CD163L1: variants seen among roughly 807,000 people sequenced by gnomAD.
The protein encoded by CD163L1 is CD163 molecule like 1, also known as scavenger receptor cysteine-rich type 1 protein M160.
Under a neutral mutation model 165.4 loss-of-function variants are expected in CD163L1, and 124 were observed. That is an observed-to-expected ratio of 0.75 (90% CI 0.65 to 0.87). The LOEUF (loss-of-function observed/expected upper bound fraction) is 0.87. Among genes scored for constraint, CD163L1 ranks in the 40% least tolerant of loss-of-function variants. The pLI is 0.00. For missense variants in CD163L1, 1,525 were observed against 1,799.9 expected (o/e 0.85, Z 2.76); for synonymous variants, 585 against 662.2 (o/e 0.88, Z 1.79).
intron 9 of CD163L1, among the ~76,000 whole-genome samples, chr12:7,376,485 G>A (rs1947274672): frequency 6.6e-6 from 1 of 152,156 alleles, no homozygotes; most frequent in Admixed American, 6.5e-5. Context: ...TATTAGTAAT[G>A]TATGTTATCT....
Position 7,348,194 on chromosome 12 carries a change from G to A in CD163L1, c.*25-1047C>T, listed in dbSNP as rs190858200. The stretch of plus-strand genomic sequence containing the variant: ...CATAAGCAGGCTCTACCATTCATTA[G>A]GGAGTGTCAATCATCTGCAACCACT... On this transcript the variant is annotated intron_variant, in intron 4 of 4. Transcript: ENST00000539726. Among the ~76,000 whole-genome samples, 81 of 152,290 alleles carry A rather than the reference G, an allele frequency of 5.3e-4. 2 individuals are homozygous for A. The East Asian group carries it at 0.015, about 29-fold the overall frequency.
At chr12:7,373,666 T>C (rs762793760) in intron 13 of CD163L1, 26 bp from the exon 14 acceptor site, 2 of 1,530,556 alleles carry the variant, frequency 1.3e-6, no homozygotes, top group South Asian at 1.3e-5. Flanking sequence ...AAACTTAGTA[T>C]TAAATATTTC....
chr12:7,356,900 T>C (rs976833233), intron 19 of CD163L1, among the ~76,000 whole-genome samples: 2 of 152,166 alleles, frequency 1.3e-5, no homozygotes, highest in Admixed American at 1.3e-4. Context: ...GTTAATGTTT[T>C]CTCATCAGAC....
Position 7,368,308 on chromosome 12 carries a change from C to T in CD163L1, c.4073-111G>A. ...GTTGCTGAGAAGAATAATGGCTATACATTTCAACATATTCATGAACAGTAC... is the reference window on the plus strand; with the variant it reads ...GTTGCTGAGAAGAATAATGGCTATATATTTCAACATATTCATGAACAGTAC... On this transcript the variant is annotated intron_variant, in intron 16 of 19. Transcript: ENST00000313599. The surrounding 1 kb of genome is among the most constrained non-coding windows in gnomAD (Gnocchi z 4.3). 1 of 596,868 alleles carries T rather than the reference C, an allele frequency of 1.7e-6. No homozygotes were observed. The highest frequency in any genetic ancestry group is 2.8e-5 in the East Asian group (1 of 35,550). The allele number at this position is 596,868 out of a possible 1,614,324, so 37.0% of individuals were successfully genotyped here. A position where few individuals can be genotyped will look rare whatever the true frequency, so the allele number is the denominator to read the frequency against.
chr12:7,439,157 T>G, intron 2 of CD163L1: 1 of 1,576,124 alleles, frequency 6.3e-7, no homozygotes, highest in South Asian at 1.2e-5. Context: ...ATGTAGCCCT[T>G]CATTGTCATC....
chr12:7,416,673 G>T (rs1948248474), intron 4 of CD163L1, among the ~76,000 whole-genome samples: 1 of 152,136 alleles, frequency 6.6e-6, no homozygotes, highest in Admixed American at 6.5e-5. Flanking sequence ...ACTAAATGAG[G>T]AATCCTTTCC....
rs754763808 is a variant in CD163L1 at position 7,379,310 on chromosome 12, T to C, written c.2051-12A>G. On this transcript the variant is annotated splice_polypyrimidine_tract_variant and intron_variant, in intron 8 of 19. Coordinates refer to ENST00000313599, the MANE Select transcript of CD163L1 (RefSeq NM_174941.6). ...CATATCCGATGCATCTGAAACCAAA[T>C]ACCACAATGATTTTAGAGAAGCACT... 1.9e-6 allele frequency: 3 copies of C among 1,611,834 alleles called. No homozygotes were observed. Among genetic ancestry groups the C allele is most frequent in the Non-Finnish European group, 2.5e-6 (3 of 1,178,328 alleles).
At chr12:7,409,376 G>C (rs1948088727) in intron 4 of CD163L1, among the ~76,000 whole-genome samples, 1 of 152,092 alleles carries the variant, frequency 6.6e-6, no homozygotes, top group African/African-American at 2.4e-5. Flanking sequence ...GACTGCTTTT[G>C]TGGAAAAAAA....
intron 4 of CD163L1, among the ~76,000 whole-genome samples, chr12:7,415,593 C>T (rs535093544): frequency 6.6e-6 from 1 of 151,938 alleles, no homozygotes; most frequent in East Asian, 1.9e-4. Context: ...CAACCCCCAA[C>T]AGGCCCTGGT....
chr12:7,434,585 T>C (rs1218754101), intron 2 of CD163L1, among the ~76,000 whole-genome samples: 4 of 151,524 alleles, frequency 2.6e-5, no homozygotes, highest in African/African-American at 9.7e-5. Flanking sequence ...GTGCATATGA[T>C]GATGATGAGA....
chr12:7,390,041 C>T (rs1453885301), intron 8 of CD163L1, among the ~76,000 whole-genome samples: 5 of 148,968 alleles, frequency 3.4e-5, no homozygotes, highest in South Asian at 2.1e-4. Context: ...TTACTATTTG[C>T]AGCAACAGGG....
intron 6 of CD163L1, among the ~76,000 whole-genome samples, chr12:7,399,309 CT>C (rs977318097): frequency 7.0e-6 from 1 of 143,298 alleles, no homozygotes; most frequent in Admixed American, 7.2e-5. Context: ...TCCTTTCTTT[CT>C]TTTCTTTCTT....
chr12:7,369,771 G>A lies in CD163L1; in HGVS notation c.3731-106C>T. 1.0e-6 allele frequency: 1 copy of A among 980,876 alleles called. No individual in the cohort carries two copies. The highest frequency in any genetic ancestry group is 1.5e-6 in the Non-Finnish European group (1 of 651,422). The allele number at this position is 980,876 out of a possible 1,614,324, so 60.8% of individuals were successfully genotyped here. On this transcript the variant is annotated intron_variant, in intron 14 of 19. Coordinates refer to ENST00000313599, the MANE Select transcript of CD163L1 (RefSeq NM_174941.6). The surrounding 1 kb of genome is among the most constrained non-coding windows in gnomAD (Gnocchi z 4.9). ...GCAAATGTGCTTGATGAATATGGGTGTGGTAAGGAAGGCAGAATTTCAATG... is the reference window on the plus strand; with the variant it reads ...GCAAATGTGCTTGATGAATATGGGTATGGTAAGGAAGGCAGAATTTCAATG...
intron 8 of CD163L1, among the ~76,000 whole-genome samples, chr12:7,386,604 C>CAAAAAAAAAAAAAAAAA (rs71067187): frequency 8.5e-6 from 1 of 117,506 alleles, no homozygotes; most frequent in Non-Finnish European, 1.8e-5. Context: ...GTCAACATAT[C>CAAAAAAAAAAAAAAAAA]AAAAAAAAAA....
At chr12:7,355,936 C>T (rs1287456747) in intron 19 of CD163L1, among the ~76,000 whole-genome samples, 1 of 152,136 alleles carries the variant, frequency 6.6e-6, no homozygotes. Flanking sequence ...TTAAGCTGCC[C>T]AGTCTGTGGT....
chr12:7,421,405 TTCC>T (rs1335422043), intron 4 of CD163L1, among the ~76,000 whole-genome samples: 14 of 62,080 alleles, frequency 2.3e-4, no homozygotes, highest in East Asian at 2.0e-3. Flanking sequence ...TATATATATC[TTCC>T]AAATGTATAT....
At chr12:7,443,404 G>A (rs1203994138) in intron 1 of CD163L1, among the ~76,000 whole-genome samples, 4 of 152,124 alleles carry the variant, frequency 2.6e-5, no homozygotes, top group Non-Finnish European at 5.9e-5. Flanking sequence ...TTATTTCCAC[G>A]AAATGTCTAT....
chr12:7,439,535 T>G, intron 2 of CD163L1: 1 of 1,576,646 alleles, frequency 6.3e-7, no homozygotes, highest in Admixed American at 2.0e-5. Flanking sequence ...TTCTTTTTCT[T>G]CTTTGGGGAA....
rs761518239 is a variant in CD163L1 at position 7,382,702 on chromosome 12, C to A, written c.2051-3404G>T. On this transcript the variant is annotated intron_variant, in intron 8 of 19. Transcript: ENST00000313599. ...GAGGGGGAGTTTGTGCTGGGTCCTA[C>A]ATCCCAATCCCCAACCCCAAGACCC... Among the ~76,000 whole-genome samples, 12 of 152,262 alleles carry A rather than the reference C, an allele frequency of 7.9e-5. No individual in the cohort carries two copies. In the East Asian group the frequency reaches 2.3e-3, roughly 29 times the overall value.
Sources: gnomAD v4.1 joint callset for allele counts (sites outside exome capture counted in the v4.1 genomes callset) on GRCh38, gnomAD v4.1.1 for gene constraint, Gnocchi (gnomAD v3.1) non-coding constraint, MANE v1.5 for transcripts, NCBI Gene and HGNC (gene_info 2026-07-23, HGNC 2026-07-21) for gene names.